The following SEC24D variants were observed in gnomAD, a reference collection of about 807,000 sequenced individuals.
The protein encoded by SEC24D is SEC24 homolog D, COPII component.
Under a neutral mutation model 116.9 loss-of-function variants are expected in SEC24D, and 69 were observed. The observed-to-expected ratio is 0.59, with a 90% CI of 0.49 to 0.72. The LOEUF is 0.72. Ranked by LOEUF, SEC24D falls within the 30% of genes least tolerant of loss-of-function variation. The pLI is 0.00. For missense variants in SEC24D, 1,131 were observed against 1,264.1 expected (o/e 0.89, Z 1.60); for synonymous variants, 405 against 442.8 (o/e 0.91, Z 1.07).
intron 7 of SEC24D, among the ~76,000 whole-genome samples, chr4:118,803,134 A>G (rs1231373703): frequency 6.6e-6 from 1 of 152,186 alleles, no homozygotes; most frequent in Admixed American, 6.5e-5. Context: ...ACAGAGTTTC[A>G]GTGTGGGATG....
chr4:118,814,515 T>C (rs1258309995), intron 6 of SEC24D, among the ~76,000 whole-genome samples: 1 of 152,204 alleles, frequency 6.6e-6, no homozygotes, highest in Non-Finnish European at 1.5e-5. Flanking sequence ...AAAGCTTGAC[T>C]GATAAAATTA....
chr4:118,820,177 ATTT>A (rs748302677), intron 3 of SEC24D, among the ~76,000 whole-genome samples: 1 of 127,448 alleles, frequency 7.8e-6, no homozygotes, highest in Non-Finnish European at 1.8e-5. Flanking sequence ...AATTAGTTTA[ATTT>A]TTTTTTTTTT....
intron 6 of SEC24D, among the ~76,000 whole-genome samples, chr4:118,807,959 A>G (rs1729746097): frequency 6.6e-6 from 1 of 152,192 alleles, no homozygotes; most frequent in Non-Finnish European, 1.5e-5. Flanking sequence ...CATTAAAAAT[A>G]GAGTTGTTTT....
chr4:118,820,211 G>A (rs1161808520), intron 3 of SEC24D, among the ~76,000 whole-genome samples: 1 of 137,134 alleles, frequency 7.3e-6, no homozygotes, highest in Non-Finnish European at 1.5e-5. Flanking sequence ...ACGGAGTTTC[G>A]CTCTTGTCGC....
At chr4:118,795,595 G>C (rs951122367) in intron 8 of SEC24D, among the ~76,000 whole-genome samples, 1 of 152,164 alleles carries the variant, frequency 6.6e-6, no homozygotes, top group Non-Finnish European at 1.5e-5. Context: ...ACAGACTGTT[G>C]ATACATGCAA....
intron 6 of SEC24D, among the ~76,000 whole-genome samples, chr4:118,809,264 A>G (rs6838071): frequency 0.89 from 135,642 of 152,128 alleles, 60,606 homozygotes; most frequent in Middle Eastern, 0.94. Context: ...GAGCCACCTC[A>G]CCCAGCCTAC....
intron 13 of SEC24D, among the ~76,000 whole-genome samples, chr4:118,747,040 G>A (rs982739341): frequency 6.6e-6 from 1 of 152,094 alleles, no homozygotes; most frequent in African/African-American, 2.4e-5. Context: ...ATTGATAGAT[G>A]CAGCATTAAT....
At chr4:118,835,430 C>A (rs114243409) in intron 1 of SEC24D, among the ~76,000 whole-genome samples, 6,178 of 152,246 alleles carry the variant, frequency 0.041, 194 homozygotes, top group Non-Finnish European at 0.064. Context: ...GCCCCAACCC[C>A]AGAACGGCCC....
intron 8 of SEC24D, among the ~76,000 whole-genome samples, chr4:118,789,383 T>A (rs913702143): frequency 6.6e-6 from 1 of 152,216 alleles, no homozygotes; most frequent in Non-Finnish European, 1.5e-5. Flanking sequence ...GCAGGTGACA[T>A]GTAAAGACCA....
At chr4:118,747,900 T>C (rs1210198777) in intron 13 of SEC24D, among the ~76,000 whole-genome samples, 1 of 152,162 alleles carries the variant, frequency 6.6e-6, no homozygotes, top group East Asian at 1.9e-4. Flanking sequence ...ACACAAAATA[T>C]TGTTGGGAGA....
intron 22 of SEC24D, among the ~76,000 whole-genome samples, chr4:118,728,069 G>A (rs956593897): frequency 6.6e-6 from 1 of 152,004 alleles, no homozygotes; most frequent in African/African-American, 2.4e-5. Context: ...TATCTGGAAC[G>A]TGGCAACAAC....
intron 13 of SEC24D, among the ~76,000 whole-genome samples, chr4:118,748,101 TA>T (rs1726632169): frequency 6.6e-6 from 1 of 152,010 alleles, no homozygotes; most frequent in Admixed American, 6.5e-5. Flanking sequence ...CCATCTCTAC[TA>T]AAAATACAAA....
chr4:118,801,723 A>G (rs1350588485), intron 7 of SEC24D, among the ~76,000 whole-genome samples: 1 of 152,234 alleles, frequency 6.6e-6, no homozygotes, highest in Non-Finnish European at 1.5e-5. Flanking sequence ...TGAAATATGC[A>G]TAAATGAATG....
chr4:118,794,198 G>T (rs899365811), intron 8 of SEC24D, among the ~76,000 whole-genome samples: 2 of 152,122 alleles, frequency 1.3e-5, no homozygotes, highest in Non-Finnish European at 2.9e-5. Flanking sequence ...ATGTTTGAAA[G>T]ATTTTTTTCA....
intron 21 of SEC24D, 119 bp from the exon 22 acceptor site, chr4:118,728,769 C>G: frequency 1.7e-6 from 1 of 581,956 alleles, no homozygotes; most frequent in Non-Finnish European, 2.8e-6. Context: ...TGGTGTAGTT[C>G]ATTACCTGAA....
chr4:118,746,423 TAC>T lies in SEC24D; in HGVS notation c.1708-1365_1708-1364del, dbSNP rs112094860. Among the ~76,000 whole-genome samples the T allele has an allele frequency of 4.5e-4, 69 of 152,194 alleles. 1 individual carries two copies. The highest frequency in any genetic ancestry group is 1.6e-3 in the African/African-American group (65 of 41,522). On this transcript the variant is annotated intron_variant, in intron 13 of 22. Transcript: ENST00000280551. ...AACACTCACAACCTTGTTCAGCAGG[TAC>T]TACTGTTTGCATTTTAAGAATAGGA...
intron 8 of SEC24D, among the ~76,000 whole-genome samples, chr4:118,786,026 G>A (rs1304107483): frequency 6.6e-6 from 1 of 152,110 alleles, no homozygotes; most frequent in African/African-American, 2.4e-5. Context: ...AACAACTACA[G>A]GTTAAGGGAT....
At chr4:118,748,770 T>C (rs1379939608) in intron 13 of SEC24D, among the ~76,000 whole-genome samples, 2 of 152,080 alleles carry the variant, frequency 1.3e-5, no homozygotes, top group Non-Finnish European at 2.9e-5. Flanking sequence ...TCCTACTGTC[T>C]TCTCCTGTAG....
intron 8 of SEC24D, among the ~76,000 whole-genome samples, chr4:118,781,632 C>G (rs1270659469): frequency 6.6e-6 from 1 of 152,118 alleles, no homozygotes; most frequent in Non-Finnish European, 1.5e-5. Context: ...TGAATGTTAG[C>G]CTGTCTTGCT....
Sources: allele counts gnomAD v4.1 joint callset (sites outside exome capture counted in the v4.1 genomes callset), GRCh38; gene constraint gnomAD v4.1.1; transcripts MANE v1.5; gene names NCBI Gene and HGNC (gene_info 2026-07-23, HGNC 2026-07-21).